Variants in PCDHGA2 observed in about 807,000 individuals in gnomAD.
PCDHGA2 encodes protocadherin gamma-A2.
A neutral mutation model predicts 59.2 loss-of-function variants in PCDHGA2; 40 were observed. That is an observed-to-expected ratio of 0.68 (90% CI 0.52 to 0.88). The LOEUF is 0.88. Among genes scored for constraint, PCDHGA2 ranks in the 40% least tolerant of loss-of-function variants. PCDHGA2 has a pLI of 0.00. For missense variants in PCDHGA2, 1,226 were observed against 1,204.0 expected, an observed-to-expected ratio of 1.02 and a Z score of -0.27; for synonymous variants, 560 against 526.0, an observed-to-expected ratio of 1.06 and a Z score of -0.89.
chr5:141,422,940 C>G, intron 1 of PCDHGA2: 3 of 1,614,242 alleles, frequency 1.9e-6, no homozygotes, highest in Non-Finnish European at 1.7e-6. Context: ...TCCCCACAGA[C>G]GGCTCCACTG....
chr5:141,404,929 G>A (rs766845913), intron 1 of PCDHGA2: 46 of 1,613,744 alleles, frequency 2.9e-5, no homozygotes, highest in Admixed American at 2.3e-4. Flanking sequence ...CCACTGTCAC[G>A]CTCACAGTAG....
intron 1 of PCDHGA2, chr5:141,409,346 G>A (rs573212606): frequency 4.3e-6 from 7 of 1,613,998 alleles, no homozygotes; most frequent in South Asian, 2.2e-5. Context: ...AAATGGAGAA[G>A]TCAGGTGTAA....
At chr5:141,405,261 T>A (rs1445565178) in intron 1 of PCDHGA2, 1 of 1,613,852 alleles carries the variant, frequency 6.2e-7, no homozygotes, top group South Asian at 1.1e-5. Context: ...CACCTGATCT[T>A]CCCCCAGCCC....
In PCDHGA2 at chr5:141,347,143, CTT is replaced by C. The variant is rs1561493446; in HGVS notation, c.2424+5750_2424+5751del. On this transcript the variant is annotated intron_variant, in intron 1 of 3. Transcript: ENST00000394576. ...CCTTCCTTCCTCTGTTTCTCTCTTTCTTTCTTTCTTTCTTTCTTTCTTTCTTT... is the reference window on the plus strand; with the variant it reads ...CCTTCCTTCCTCTGTTTCTCTCTTTCTCTTTCTTTCTTTCTTTCTTTCTTT... Among the ~76,000 whole-genome samples the C allele has an allele frequency of 2.9e-5, 3 of 103,960 alleles. No homozygotes were observed. The East Asian group carries it at 6.4e-4, about 22-fold the overall frequency. 68.2% of individuals were successfully genotyped at this position (103,960 alleles called of 152,430 possible).
At chr5:141,389,440 A>C (rs769871337) in intron 1 of PCDHGA2, 3 of 1,610,596 alleles carry the variant, frequency 1.9e-6, no homozygotes, top group Non-Finnish European at 2.5e-6. Context: ...CGCGCCTTCG[A>C]CCACGAGCAG....
At chr5:141,426,487 G>A (rs999549044) in intron 1 of PCDHGA2, 2 of 333,788 alleles carry the variant, frequency 6.0e-6, no homozygotes, top group African/African-American at 4.3e-5. Context: ...AAACCTTAGA[G>A]TTAGTGCAGA....
rs201022238 is a variant in PCDHGA2 at position 141,415,678 on chromosome 5, G to A, written c.2424+74283G>A. 470 of 1,555,406 alleles carry A rather than the reference G, an allele frequency of 3.0e-4. 2 individuals carry two copies. In the African/African-American group the frequency reaches 5.9e-3, roughly 20 times the overall value. ...GATTGGTTTTTACTTTGAAGTTTGC[G>A]GCATGATGGTGGAAAGTGTAAATGC... On this transcript the variant is annotated intron_variant, in intron 1 of 3. Coordinates refer to ENST00000394576, the MANE Select transcript of PCDHGA2 (RefSeq NM_018915.4).
rs1408938686 is a variant in PCDHGA2 at position 141,398,777 on chromosome 5, G to A, written c.2424+57382G>A. On this transcript the variant is annotated intron_variant, in intron 1 of 3. Transcript: ENST00000394576. ...CGTTTAGTCCTGACTGCCTTGGACG[G>A]TGGACATCCACCCCTAAGCGGCACC... is the stretch of plus-strand genomic sequence containing the variant. The A allele has an allele frequency of 3.1e-6, 5 of 1,613,902 alleles. 1 individual carries two copies. The South Asian group carries it at 3.3e-5, about 11-fold the overall frequency.
chr5:141,481,208 A>G lies in PCDHGA2; in HGVS notation c.2425-13599A>G, dbSNP rs116577118. On this transcript the variant is annotated intron_variant, in intron 1 of 3. Coordinates refer to ENST00000394576, the MANE Select transcript of PCDHGA2 (RefSeq NM_018915.4). ...GCCAGGCCCAATTTTTTTAAAAAACATGGTAAGGTCTCCCAGCCTTAAAGT... is the reference window on the plus strand; with the variant it reads ...GCCAGGCCCAATTTTTTTAAAAAACGTGGTAAGGTCTCCCAGCCTTAAAGT... 3.5e-3 allele frequency among the ~76,000 whole-genome samples: 528 copies of G among 152,350 alleles called. 2 individuals carry two copies. Among genetic ancestry groups the G allele is most frequent in the African/African-American group, 0.012 (490 of 41,572 alleles).
rs757674087 is a variant in PCDHGA2 at position 141,356,453 on chromosome 5, A to G, written c.2424+15058A>G. 46 of 1,613,242 alleles carry G rather than the reference A, an allele frequency of 2.9e-5. No individual in the cohort carries two copies. Among genetic ancestry groups the G allele is most frequent in the Admixed American group, 1.3e-4 (8 of 59,874 alleles). On this transcript the variant is annotated intron_variant, in intron 1 of 3. Coordinates refer to ENST00000394576, the MANE Select transcript of PCDHGA2 (RefSeq NM_018915.4). ...CTGGACAGGGAAGAAGTCTCAGAAT[A>G]TAACATCACTGTAACTGCCACTGAC...
At chr5:141,363,170 G>A (rs1375062586) in intron 1 of PCDHGA2, among the ~76,000 whole-genome samples, 1 of 152,186 alleles carries the variant, frequency 6.6e-6, no homozygotes, top group Non-Finnish European at 1.5e-5. Context: ...TCTCTAACAT[G>A]CATTTTAACA....
At chr5:141,450,509 G>A (rs2098683055) in intron 1 of PCDHGA2, among the ~76,000 whole-genome samples, 1 of 151,878 alleles carries the variant, frequency 6.6e-6, no homozygotes, top group African/African-American at 2.4e-5. Flanking sequence ...GTTTTGAGAT[G>A]GAGTCTCATT....
In PCDHGA2 at chr5:141,487,761, C is replaced by T. The variant is rs1331182183; in HGVS notation, c.2425-7046C>T. Reference sequence around the variant, plus strand: ...GTAAGAGGTAACTATGTGGTAGACGCTGTGCTTTGTAACTGTTTCGTGAAT... The same window carrying T: ...GTAAGAGGTAACTATGTGGTAGACGTTGTGCTTTGTAACTGTTTCGTGAAT... On this transcript the variant is annotated intron_variant, in intron 1 of 3. Coordinates refer to ENST00000394576, the MANE Select transcript of PCDHGA2 (RefSeq NM_018915.4). The surrounding 1 kb of genome is among the most constrained non-coding windows in gnomAD (Gnocchi z 5.0). 3.2e-6 allele frequency: 5 copies of T among 1,545,926 alleles called. No individual in the cohort carries two copies. Among genetic ancestry groups the T allele is most frequent in the South Asian group, 1.2e-5 (1 of 83,534 alleles).
chr5:141,346,223 C>A, intron 1 of PCDHGA2: 2 of 1,614,210 alleles, frequency 1.2e-6, no homozygotes, highest in South Asian at 1.1e-5. Context: ...CTTCGGGAGG[C>A]GGCTTGGCGA....
chr5:141,352,798 T>C (rs1315643760), intron 1 of PCDHGA2: 5 of 928,716 alleles, frequency 5.4e-6, no homozygotes, highest in South Asian at 5.1e-5. Flanking sequence ...GAGACCAGCA[T>C]AGCCAAGATG....
chr5:141,344,719 A>G (rs1202466378), intron 1 of PCDHGA2: 3 of 1,613,978 alleles, frequency 1.9e-6, no homozygotes, highest in Non-Finnish European at 8.5e-7. Context: ...TTGCACATCC[A>G]AGTGATAGTC....
chr5:141,371,307 G>A lies in PCDHGA2; in HGVS notation c.2424+29912G>A, dbSNP rs1365898739. 5 of 1,613,970 alleles carry A rather than the reference G, an allele frequency of 3.1e-6. No individual in the cohort carries two copies. In the Admixed American group the frequency reaches 6.7e-5, roughly 22 times the overall value. On this transcript the variant is annotated intron_variant, in intron 1 of 3. Coordinates refer to ENST00000394576, the MANE Select transcript of PCDHGA2 (RefSeq NM_018915.4). ...TAAAACGGGGGAACTCACCACTATTGGAGAACTGGACTTTGAAGAGAGAGA... is the reference window on the plus strand; with the variant it reads ...TAAAACGGGGGAACTCACCACTATTAGAGAACTGGACTTTGAAGAGAGAGA...
In PCDHGA2 at chr5:141,431,937, A is replaced by T; in HGVS notation, c.2425-62870A>T. On this transcript the variant is annotated intron_variant, in intron 1 of 3. Coordinates refer to ENST00000394576, the MANE Select transcript of PCDHGA2 (RefSeq NM_018915.4). The surrounding 1 kb of genome is among the most constrained non-coding windows in gnomAD (Gnocchi z 4.8). ...TTCATCCAAGGAAATCTGCCCTTTAAATTAGAAAAATCTTACGGAAATTAC... is the reference window on the plus strand; with the variant it reads ...TTCATCCAAGGAAATCTGCCCTTTATATTAGAAAAATCTTACGGAAATTAC... The T allele has an allele frequency of 6.2e-7, 1 of 1,614,144 alleles. No individual in the cohort carries two copies. The highest frequency in any genetic ancestry group is 8.5e-7 in the Non-Finnish European group (1 of 1,180,014).
intron 1 of PCDHGA2, among the ~76,000 whole-genome samples, chr5:141,434,463 G>A (rs967685246): frequency 5.9e-5 from 9 of 152,192 alleles, no homozygotes; most frequent in Admixed American, 1.3e-4. Flanking sequence ...TGGGTTTACC[G>A]GAATGAGGGC....
Sources: gnomAD v4.1 joint callset for allele counts (sites outside exome capture counted in the v4.1 genomes callset) on GRCh38, gnomAD v4.1.1 for gene constraint, Gnocchi (gnomAD v3.1) non-coding constraint, MANE v1.5 for transcripts, NCBI Gene and HGNC (gene_info 2026-07-23, HGNC 2026-07-21) for gene names.